Variants in MAP2K6 observed in about 807,000 individuals in gnomAD.
MAP2K6 encodes mitogen-activated protein kinase kinase 6.
Under a neutral mutation model 53.7 loss-of-function variants are expected in MAP2K6, and 16 were observed. The ratio of observed to expected loss-of-function variants is 0.30; its 90% CI spans 0.20 to 0.45. The LOEUF (loss-of-function observed/expected upper bound fraction) is 0.45. MAP2K6 is among the 20% of genes least tolerant of loss of function. The pLI is 1.00. For missense variants in MAP2K6, 204 were observed against 411.9 expected (o/e 0.50, Z 4.37); for synonymous variants, 132 against 143.1 (o/e 0.92, Z 0.55).
chr17:69,423,407 C>T (rs955264674), intron 1 of MAP2K6, among the ~76,000 whole-genome samples: 5 of 152,172 alleles, frequency 3.3e-5, no homozygotes, highest in African/African-American at 1.2e-4. Flanking sequence ...AGTAGTTGCG[C>T]CAGAGCCCCT....
chr17:69,497,915 AG>A (rs1225620111), intron 1 of MAP2K6, among the ~76,000 whole-genome samples: 26 of 152,220 alleles, frequency 1.7e-4, no homozygotes, highest in African/African-American at 5.8e-4. Context: ...CCAAAATCAA[AG>A]GGCCACTTCA....
At position 69,547,333 on chromosome 17, in the gene MAP2K6, C is replaced by T. The variant is rs1911917290; in HGVS notation, c.*5580C>T. The stretch of plus-strand genomic sequence containing the variant: ...AGGACCAGATAGTAAATATTTTTGG[C>T]TTTGTGTGTTATACCATCTCTGTCA... On this transcript the variant is annotated 3_prime_UTR_variant, in exon 12 of 12. Coordinates refer to ENST00000590474, the MANE Select transcript of MAP2K6 (RefSeq NM_002758.4). 6.6e-6 allele frequency: 1 copy of T among 152,186 alleles called. No individual in the cohort carries two copies. Among genetic ancestry groups the T allele is most frequent in the Non-Finnish European group, 1.5e-5 (1 of 68,038 alleles). 9.4% of individuals were successfully genotyped at this position (152,186 alleles called of 1,614,324 possible). A position where few individuals can be genotyped will look rare whatever the true frequency, so the allele number is the denominator to read the frequency against.
At position 69,548,871 on chromosome 17, in the gene MAP2K6, C is replaced by T. The variant is rs1213816754; in HGVS notation, c.*7118C>T. 1 of 152,130 alleles carries T rather than the reference C, an allele frequency of 6.6e-6. No homozygotes were observed. Among genetic ancestry groups the T allele is most frequent in the Non-Finnish European group, 1.5e-5 (1 of 68,022 alleles). The allele number at this position is 152,130 out of a possible 1,614,324, so 9.4% of individuals were successfully genotyped here. On this transcript the variant is annotated 3_prime_UTR_variant, in exon 12 of 12. Transcript: ENST00000590474. ...GGAAGGTAATCTTTTCAGTTTCTGA[C>T]CCAGATTTCTTTTTCAAGCAAAACT...
intron 1 of MAP2K6, among the ~76,000 whole-genome samples, chr17:69,473,711 T>C (rs1335718902): frequency 6.6e-6 from 1 of 152,188 alleles, no homozygotes; most frequent in Non-Finnish European, 1.5e-5. Context: ...GACTAGAGAA[T>C]GGCAGTTAAT....
chr17:69,515,414 C>G (rs191563782), intron 2 of MAP2K6, among the ~76,000 whole-genome samples: 1 of 152,286 alleles, frequency 6.6e-6, no homozygotes, highest in East Asian at 1.9e-4. Flanking sequence ...GCCTCAGCCT[C>G]CCAAAGTGCT....
intron 1 of MAP2K6, among the ~76,000 whole-genome samples, chr17:69,470,055 G>A (rs975993129): frequency 4.6e-5 from 7 of 152,002 alleles, no homozygotes; most frequent in South Asian, 2.1e-4. Flanking sequence ...AATCCAAAAC[G>A]TTAGCTGGGC....
intron 1 of MAP2K6, among the ~76,000 whole-genome samples, chr17:69,498,549 T>G (rs1296049404): frequency 4.6e-5 from 7 of 151,846 alleles, no homozygotes; most frequent in African/African-American, 1.7e-4. Context: ...AAGTGTGGCT[T>G]CAGTGACACA....
At chr17:69,447,060 C>T (rs1323673149) in intron 1 of MAP2K6, among the ~76,000 whole-genome samples, 1 of 150,478 alleles carries the variant, frequency 6.6e-6, no homozygotes, top group Non-Finnish European at 1.5e-5. Flanking sequence ...ACACTGCAAC[C>T]TCCGCCTCCC....
chr17:69,455,345 T>C (rs1907369158), intron 1 of MAP2K6, among the ~76,000 whole-genome samples: 1 of 152,172 alleles, frequency 6.6e-6, no homozygotes, highest in African/African-American at 2.4e-5. Flanking sequence ...TGAGGGATGG[T>C]ATCCCTGCAA....
At chr17:69,522,909 AAG>A (rs1420889096) in intron 7 of MAP2K6, among the ~76,000 whole-genome samples, 10 of 151,356 alleles carry the variant, frequency 6.6e-5, no homozygotes, top group Non-Finnish European at 1.3e-4. Flanking sequence ...AAAAAAAAAA[AAG>A]TTAGCTGGGC....
chr17:69,418,016 C>T (rs771756461), intron 1 of MAP2K6, among the ~76,000 whole-genome samples: 3 of 152,192 alleles, frequency 2.0e-5, no homozygotes, highest in Non-Finnish European at 4.4e-5. Flanking sequence ...GGTCTTAACT[C>T]TACTGGGGTT....
intron 10 of MAP2K6, among the ~76,000 whole-genome samples, chr17:69,535,183 G>A (rs1473883127): frequency 3.3e-5 from 5 of 152,170 alleles, no homozygotes; most frequent in Non-Finnish European, 1.5e-5. Context: ...AATAGCGCAT[G>A]ACCATAAAGT....
chr17:69,499,896 C>T (rs1337180947), intron 1 of MAP2K6, among the ~76,000 whole-genome samples: 1 of 152,086 alleles, frequency 6.6e-6, no homozygotes, highest in Non-Finnish European at 1.5e-5. Context: ...GCTTTGAGCT[C>T]ATATTGTGTT....
At chr17:69,482,162 G>C (rs924650477) in intron 1 of MAP2K6, among the ~76,000 whole-genome samples, 3 of 152,056 alleles carry the variant, frequency 2.0e-5, no homozygotes, top group African/African-American at 7.2e-5. Flanking sequence ...TTTCTGGTTA[G>C]CATCAGATTC....
In MAP2K6 at chr17:69,543,448, C is replaced by T. The variant is rs1224690613; in HGVS notation, c.*1695C>T. On this transcript the variant is annotated 3_prime_UTR_variant, in exon 12 of 12. Coordinates refer to ENST00000590474, the MANE Select transcript of MAP2K6 (RefSeq NM_002758.4). ...ACACTTCCGAACACTTCTTCATATT[C>T]AGTTCCAAGATATATCTGCTTGATT... is the stretch of plus-strand genomic sequence containing the variant. The T allele has an allele frequency of 6.6e-6, 1 of 152,058 alleles. No homozygotes were observed. The highest frequency in any genetic ancestry group is 1.5e-5 in the Non-Finnish European group (1 of 68,010). 9.4% of individuals were successfully genotyped at this position (152,058 alleles called of 1,614,324 possible).
intron 1 of MAP2K6, chr17:69,505,440 CTCAA>C (rs1909414803): frequency 6.2e-6 from 1 of 161,912 alleles, no homozygotes. Flanking sequence ...GAGACTCTGT[CTCAA>C]AAAAAAAAAA....
At chr17:69,446,664 A>G (rs943501039) in intron 1 of MAP2K6, among the ~76,000 whole-genome samples, 1 of 152,126 alleles carries the variant, frequency 6.6e-6, no homozygotes, top group Non-Finnish European at 1.5e-5. Context: ...CGGGATGCCA[A>G]CTTCGATCAG....
intron 11 of MAP2K6, among the ~76,000 whole-genome samples, chr17:69,539,502 TCA>T (rs1911511692): frequency 6.6e-6 from 1 of 152,186 alleles, no homozygotes; most frequent in Non-Finnish European, 1.5e-5. Context: ...AGAAGGCAAG[TCA>T]CACTTTCCAT....
chr17:69,508,565 GTGATA>G (rs1909645939), intron 2 of MAP2K6, among the ~76,000 whole-genome samples: 2 of 152,174 alleles, frequency 1.3e-5, no homozygotes, highest in African/African-American at 4.8e-5. Flanking sequence ...CGATATATAT[GTGATA>G]TGAAAATATT....
Sources: gnomAD v4.1 joint callset for allele counts (sites outside exome capture counted in the v4.1 genomes callset) on GRCh38, gnomAD v4.1.1 for gene constraint, MANE v1.5 for transcripts, NCBI Gene and HGNC (gene_info 2026-07-23, HGNC 2026-07-21) for gene names.